Variants in RBFOX1 observed in about 807,000 individuals in gnomAD.
The protein encoded by RBFOX1 is RNA binding protein fox-1 homolog 1.
RBFOX1 carries 8 observed loss-of-function variants against 57.7 expected under a neutral mutation model. That is an observed-to-expected ratio of 0.14 (90% CI 0.08 to 0.25). RBFOX1 has a LOEUF of 0.25. Among genes scored for constraint, RBFOX1 ranks in the 10% least tolerant of loss-of-function variants. The pLI, the probability that RBFOX1 is intolerant of heterozygous loss-of-function variation, is 1.00. For missense variants in RBFOX1, 611 were observed against 548.5 expected (o/e 1.11, Z -1.14); for synonymous variants, 326 against 222.4 (o/e 1.47, Z -4.15).
chr16:6,932,601 C>G (rs138656226), intron 3 of RBFOX1, among the ~76,000 whole-genome samples: 1 of 152,168 alleles, frequency 6.6e-6, no homozygotes, highest in African/African-American at 2.4e-5. Flanking sequence ...CCTCATCCCA[C>G]GGGCCTGTCC....
At chr16:7,259,055 T>C (rs907453068) in intron 4 of RBFOX1, among the ~76,000 whole-genome samples, 2 of 152,164 alleles carry the variant, frequency 1.3e-5, no homozygotes, top group Non-Finnish European at 2.9e-5. Context: ...AGAAAACTAG[T>C]AGCTAAAATG....
At chr16:6,042,495 C>T (rs1375020594) in intron 1 of RBFOX1, among the ~76,000 whole-genome samples, 3 of 152,138 alleles carry the variant, frequency 2.0e-5, no homozygotes, top group East Asian at 1.9e-4. Flanking sequence ...GCTTAGCAAC[C>T]GCAATCCATC....
intron 3 of RBFOX1, among the ~76,000 whole-genome samples, chr16:5,796,756 A>T (rs1294327513): frequency 1.3e-5 from 2 of 152,224 alleles, no homozygotes; most frequent in African/African-American, 4.8e-5. Context: ...GAAGGAGACA[A>T]TGCTAAGATT....
intron 4 of RBFOX1, among the ~76,000 whole-genome samples, chr16:7,381,548 C>T (rs2097782441): frequency 6.6e-6 from 1 of 151,562 alleles, no homozygotes; most frequent in Admixed American, 6.6e-5. Flanking sequence ...TGTTCTGTTG[C>T]ATGAATATAC....
intron 4 of RBFOX1, among the ~76,000 whole-genome samples, chr16:7,153,117 G>C (rs186998132): frequency 6.6e-6 from 1 of 152,182 alleles, no homozygotes; most frequent in African/African-American, 2.4e-5. Context: ...AATCTGGCTG[G>C]AGAGAAAAAT....
chr16:7,334,648 C>G (rs1221473302), intron 4 of RBFOX1, among the ~76,000 whole-genome samples: 1 of 152,084 alleles, frequency 6.6e-6, no homozygotes, highest in African/African-American at 2.4e-5. Flanking sequence ...TTAATGGACT[C>G]CAGAGCTTGT....
At chr16:7,465,467 A>G (rs533205747) in intron 4 of RBFOX1, among the ~76,000 whole-genome samples, 3 of 152,330 alleles carry the variant, frequency 2.0e-5, no homozygotes, top group East Asian at 1.9e-4. Context: ...CGTCATCTCT[A>G]CTTTCCTATA....
At position 6,193,467 on chromosome 16, in the gene RBFOX1, G is replaced by T. The variant is rs377251145; in HGVS notation, c.-126-123528G>T. ...GTTAGTAGGAAATGAACTCTAGGAG[G>T]ACAAGAGTTGGATAGACATTATCAT... On this transcript the variant is annotated intron_variant, in intron 1 of 15. Transcript: ENST00000550418. 6.0e-5 allele frequency among the ~76,000 whole-genome samples: 8 copies of T among 133,146 alleles called. No individual in the cohort carries two copies. In the East Asian group the frequency reaches 8.7e-4, roughly 14 times the overall value. 87.3% of individuals were successfully genotyped at this position (133,146 alleles called of 152,430 possible). A position where few individuals can be genotyped will look rare whatever the true frequency, so the allele number is the denominator to read the frequency against.
chr16:7,216,844 C>G (rs543895516), intron 4 of RBFOX1, among the ~76,000 whole-genome samples: 4 of 152,146 alleles, frequency 2.6e-5, no homozygotes, highest in East Asian at 1.9e-4. Context: ...TTACTTTTTA[C>G]CAAGTTCTAG....
At chr16:6,905,505 C>G (rs2069629273) in intron 3 of RBFOX1, among the ~76,000 whole-genome samples, 1 of 150,744 alleles carries the variant, frequency 6.6e-6, no homozygotes, top group Non-Finnish European at 1.5e-5. Context: ...GTGAGCCAAG[C>G]TGATGCCACT....
At chr16:5,981,225 G>A (rs2060166664) in intron 4 of RBFOX1, among the ~76,000 whole-genome samples, 1 of 152,202 alleles carries the variant, frequency 6.6e-6, no homozygotes, top group Non-Finnish European at 1.5e-5. Flanking sequence ...CAATGTGAAG[G>A]GTCAACAGGA....
intron 3 of RBFOX1, among the ~76,000 whole-genome samples, chr16:6,672,589 C>G (rs1316353874): frequency 6.6e-6 from 1 of 152,030 alleles, no homozygotes; most frequent in African/African-American, 2.4e-5. Flanking sequence ...GTTTATGTGA[C>G]AGAATCTTAA....
intron 4 of RBFOX1, among the ~76,000 whole-genome samples, chr16:7,138,128 C>T (rs922540734): frequency 9.2e-5 from 14 of 152,056 alleles, no homozygotes; most frequent in Middle Eastern, 3.2e-3. Context: ...ATACAGAAAG[C>T]GCTGTTGACT....
At chr16:5,673,927 G>A (rs948946111) in intron 3 of RBFOX1, among the ~76,000 whole-genome samples, 17 of 152,216 alleles carry the variant, frequency 1.1e-4, no homozygotes, top group African/African-American at 3.9e-4. Context: ...TTACAAAACC[G>A]AAAGGGGGAA....
At chr16:6,132,745 T>C (rs2096638365) in intron 1 of RBFOX1, among the ~76,000 whole-genome samples, 4 of 152,002 alleles carry the variant, frequency 2.6e-5, no homozygotes, top group Non-Finnish European at 5.9e-5. Context: ...TCCCAGCACT[T>C]TGGGAGGCTG....
chr16:7,451,464 C>T (rs371976547), intron 4 of RBFOX1, among the ~76,000 whole-genome samples: 4 of 152,090 alleles, frequency 2.6e-5, no homozygotes, highest in East Asian at 3.9e-4. Flanking sequence ...ACATTTTGTG[C>T]TCGGGACCGT....
chr16:5,575,908 G>A (rs984908667), intron 2 of RBFOX1, among the ~76,000 whole-genome samples: 5 of 151,610 alleles, frequency 3.3e-5, no homozygotes, highest in Admixed American at 6.6e-5. Context: ...AATGGGTCAC[G>A]CATGTTTGCA....
intron 3 of RBFOX1, among the ~76,000 whole-genome samples, chr16:6,701,897 C>G (rs942469042): frequency 2.0e-5 from 3 of 152,090 alleles, no homozygotes; most frequent in African/African-American, 7.2e-5. Context: ...GATCTAAACA[C>G]TGAGTACACA....
In RBFOX1 at chr16:6,997,907, C is replaced by G. The variant is rs576069077; in HGVS notation, c.-15-54150C>G. Among the ~76,000 whole-genome samples the G allele has an allele frequency of 3.2e-3, 489 of 152,004 alleles. 2 individuals carry two copies. The highest frequency in any genetic ancestry group is 0.011 in the African/African-American group (463 of 41,492). ...GAAGGTTGTGCACTACATGTAAGCT[C>G]TTAGAAAAAGGTTAAAAGAATTCTC... On this transcript the variant is annotated intron_variant, in intron 3 of 15. Transcript: ENST00000550418.
Sources: allele counts gnomAD v4.1 joint callset (sites outside exome capture counted in the v4.1 genomes callset), GRCh38; gene constraint gnomAD v4.1.1; transcripts MANE v1.5; gene names NCBI Gene and HGNC (gene_info 2026-07-23, HGNC 2026-07-21).